Variants in FREM2 observed in about 807,000 individuals in gnomAD.
FREM2 encodes the protein FRAS1-related extracellular matrix protein 2.
A neutral mutation model predicts 219.9 loss-of-function variants in FREM2; 119 were observed. The observed-to-expected ratio is 0.54, with a 90% CI of 0.47 to 0.63. The LOEUF is 0.63. Among genes scored for constraint, FREM2 ranks in the 30% least tolerant of loss-of-function variants. The pLI is 0.00. For missense variants in FREM2, 4,030 were observed against 3,993.6 expected (o/e 1.01, Z -0.25); for synonymous variants, 1,562 against 1,522.8 (o/e 1.03, Z -0.60).
chr13:38,708,245 T>A (rs1470094325), intron 2 of FREM2, among the ~76,000 whole-genome samples: 1 of 152,234 alleles, frequency 6.6e-6, no homozygotes, highest in Non-Finnish European at 1.5e-5. Flanking sequence ...CGATAAATAT[T>A]TATTGAGTGA....
chr13:38,788,394 G>A (rs1170622020), intron 6 of FREM2, among the ~76,000 whole-genome samples: 2 of 152,068 alleles, frequency 1.3e-5, no homozygotes, highest in Non-Finnish European at 2.9e-5. Flanking sequence ...TATTAATACT[G>A]TACCTTATCC....
chr13:38,850,874 T>G (rs1593445146), intron 9 of FREM2, 70 bp from the exon 10 acceptor site: 1 of 1,571,422 alleles, frequency 6.4e-7, no homozygotes, highest in Non-Finnish European at 8.7e-7. Context: ...CTTGCCCTTA[T>G]GGTGCTCACA....
At chr13:38,810,477 T>G (rs990421124) in intron 6 of FREM2, among the ~76,000 whole-genome samples, 65 of 152,080 alleles carry the variant, frequency 4.3e-4, no homozygotes, top group African/African-American at 1.5e-3. Flanking sequence ...GTTTTCATTA[T>G]GTTGATATAT....
rs1189507509 is a variant in FREM2, at chr13:38,858,065, T to C, written c.7215+32T>C. 3.8e-6 allele frequency: 6 copies of C among 1,559,288 alleles called. No individual in the cohort carries two copies. In the East Asian group the frequency reaches 6.7e-5, roughly 17 times the overall value. On this transcript the variant is annotated intron_variant, in intron 13 of 23. Transcript: ENST00000280481. ...AGGAGATTCACAAAATTGAGGAAAA[T>C]TGTAAGATAATTATTTCAAATAATT...
intron 6 of FREM2, 66 bp from the exon 7 acceptor site, chr13:38,846,507 A>C: frequency 6.6e-7 from 1 of 1,520,352 alleles, no homozygotes; most frequent in East Asian, 2.3e-5. Context: ...CTTTGGAAGC[A>C]TGTCAATAGA....
Position 38,800,704 on chromosome 13 carries a change from A to C in FREM2, c.6019+15896A>C, listed in dbSNP as rs150278333. ...GAATGCAATGGTGCAATCTCAGCTCACTGCAAACTCCACCTCCCGGGTTGA... is the reference window on the plus strand; with the variant it reads ...GAATGCAATGGTGCAATCTCAGCTCCCTGCAAACTCCACCTCCCGGGTTGA... On this transcript the variant is annotated intron_variant, in intron 6 of 23. Coordinates refer to ENST00000280481, the MANE Select transcript of FREM2 (RefSeq NM_207361.6). 9.2e-3 allele frequency among the ~76,000 whole-genome samples: 1,402 copies of C among 152,300 alleles called. 22 individuals carry two copies. Among genetic ancestry groups the C allele is most frequent in the African/African-American group, 0.032 (1,326 of 41,548 alleles).
Position 38,689,826 on chromosome 13 carries a change from C to A in FREM2, c.2482C>A (p.Gln828Lys). 1 of 1,614,118 alleles carries A rather than the reference C, an allele frequency of 6.2e-7. No individual in the cohort carries two copies. The highest frequency in any genetic ancestry group is 8.5e-7 in the Non-Finnish European group (1 of 1,180,012). Reference sequence around the variant, plus strand: ...CCTTTACTTGCATCCCGTGGACAACCAGCCACCTGAGATCCTCAACACCGG... The same window carrying A: ...CCTTTACTTGCATCCCGTGGACAACAAGCCACCTGAGATCCTCAACACCGG... ...FTLYLHPVDN[Q>K]PPEILNTGFT... Residue 828 changes from glutamine to lysine, a missense_variant, in exon 1 of 24, where the codon CAG (glutamine) becomes AAG (lysine). Coordinates refer to ENST00000280481, the MANE Select transcript of FREM2 (RefSeq NM_207361.6).
intron 3 of FREM2, among the ~76,000 whole-genome samples, chr13:38,765,365 T>C (rs559696373): frequency 6.6e-6 from 1 of 152,326 alleles, no homozygotes; most frequent in South Asian, 2.1e-4. Flanking sequence ...ATATATTTTA[T>C]AGACATCTAG....
At position 38,691,209 on chromosome 13, in the gene FREM2, G is replaced by T; in HGVS notation, c.3865G>T (p.Glu1289Ter). 1.2e-6 allele frequency: 2 copies of T among 1,614,032 alleles called. No homozygotes were observed. The highest frequency in any genetic ancestry group is 1.7e-6 in the Non-Finnish European group (2 of 1,179,974). ...ACTAACAGATGGGAAGCACTCTGTG[G>T]AAAAGACGGTCCTCATTATAGTTAT... ...IKLTDGKHSV[E>*]KTVLIIVIPV... The change falls in exon 1 of 24, where the codon GAA (glutamate) becomes TAA (stop). Residue 1289 changes from glutamate to a stop codon, truncating the protein, a stop_gained. Transcript: ENST00000280481. LOFTEE classifies it high-confidence loss of function.
intron 2 of FREM2, among the ~76,000 whole-genome samples, chr13:38,739,603 C>A (rs1055610737): frequency 1.3e-5 from 2 of 152,110 alleles, no homozygotes; most frequent in African/African-American, 4.8e-5. Flanking sequence ...CTCAACCAAA[C>A]TCCCAAATTT....
At chr13:38,802,279 G>A (rs1182356040) in intron 6 of FREM2, among the ~76,000 whole-genome samples, 2 of 151,964 alleles carry the variant, frequency 1.3e-5, no homozygotes, top group African/African-American at 2.4e-5. Flanking sequence ...GAGTAAGGAG[G>A]TAGCTGTGGG....
chr13:38,728,318 T>C (rs1043244246), intron 2 of FREM2, among the ~76,000 whole-genome samples: 4 of 152,180 alleles, frequency 2.6e-5, no homozygotes, highest in Non-Finnish European at 5.9e-5. Flanking sequence ...GAGTATACAA[T>C]GAGCGTGAGC....
chr13:38,777,881 G>T (rs1191483046), intron 4 of FREM2, among the ~76,000 whole-genome samples: 2 of 152,112 alleles, frequency 1.3e-5, no homozygotes, highest in African/African-American at 4.8e-5. Context: ...CTTGATACTG[G>T]GCCTATTTAC....
chr13:38,697,628 A>G, intron 1 of FREM2, 70 bp from the exon 2 acceptor site: 1 of 912,298 alleles, frequency 1.1e-6, no homozygotes. Context: ...AATAGCCAAT[A>G]AAATTTACCA....
chr13:38,706,612 C>T (rs554208223), intron 2 of FREM2, among the ~76,000 whole-genome samples: 4 of 152,240 alleles, frequency 2.6e-5, no homozygotes, highest in African/African-American at 9.6e-5. Context: ...ACAATTTGTA[C>T]TAAAAGAATG....
chr13:38,860,295 G>A (rs1273710601), intron 14 of FREM2, among the ~76,000 whole-genome samples: 2 of 152,058 alleles, frequency 1.3e-5, no homozygotes, highest in Non-Finnish European at 2.9e-5. Flanking sequence ...TAAGGCTGGA[G>A]CAAAGACACA....
chr13:38,687,703 G>A lies in FREM2; in HGVS notation c.359G>A (p.Gly120Asp). 1 of 1,569,874 alleles carries A rather than the reference G, an allele frequency of 6.4e-7. No individual in the cohort carries two copies. The highest frequency in any genetic ancestry group is 1.2e-5 in the South Asian group (1 of 84,788). ...LDNDALAQRP[G>D]RLSPKRFPCD... ...AACGACGCACTGGCCCAGCGACCGG[G>A]CCGCCTGAGTCCCAAGCGCTTCCCG... The change falls in exon 1 of 24, where the codon GGC (glycine) becomes GAC (aspartate). Residue 120 changes from glycine (G) to aspartate (D), a missense_variant. By Grantham distance (94) the Gly-to-Asp change is moderately conservative (BLOSUM62 -1). Transcript: ENST00000280481.
In FREM2 at chr13:38,688,685, T is replaced by G; in HGVS notation, c.1341T>G (p.Leu447=). 1 of 1,614,102 alleles carries G rather than the reference T, an allele frequency of 6.2e-7. No homozygotes were observed. Residue 447 remains leucine, a synonymous_variant, in exon 1 of 24, where the codon CTT becomes CTG. Transcript: ENST00000280481. ...CGGTGGTCACCCGGAATACCGGTCT[T>G]ATTCTCTATGAGGGTCAGTCTCGGC... ...MAPVVTRNTG[L]ILYEGQSRPL... is the part of the protein sequence containing the mutation.
At chr13:38,789,030 G>A (rs1028999593) in intron 6 of FREM2, among the ~76,000 whole-genome samples, 7 of 152,004 alleles carry the variant, frequency 4.6e-5, no homozygotes, top group African/African-American at 1.7e-4. Context: ...TTTATAAATT[G>A]CTGGATTAAA....
Sources: gnomAD v4.1 joint callset for allele counts (sites outside exome capture counted in the v4.1 genomes callset) on GRCh38, gnomAD v4.1.1 for gene constraint, MANE v1.5 for transcripts, NCBI Gene and HGNC (gene_info 2026-07-23, HGNC 2026-07-21) for gene names.